The following NPR3 variants were observed in gnomAD, a reference collection of about 807,000 sequenced individuals.
The protein encoded by NPR3 is atrial natriuretic peptide receptor 3.
In NPR3, 34 loss-of-function variants were observed where a neutral mutation model predicts 54.5. That is an observed-to-expected ratio of 0.62 (90% CI 0.47 to 0.83). The LOEUF is 0.83. Ranked by LOEUF, NPR3 falls within the 40% of genes least tolerant of loss-of-function variation. The probability of loss-of-function intolerance (pLI) is 0.00; values close to 1 mark genes in which losing one functional copy is unlikely to be tolerated. For synonymous variants in NPR3, 289 were observed against 297.1 expected (o/e 0.97, Z 0.28); for missense variants, 674 against 720.8 (o/e 0.94, Z 0.74).
At chr5:32,776,119 G>A (rs1041609916) in intron 4 of NPR3, among the ~76,000 whole-genome samples, 26 of 152,090 alleles carry the variant, frequency 1.7e-4, no homozygotes, top group Admixed American at 1.6e-3. Flanking sequence ...CAGCACATAT[G>A]CATTTGTATA....
intron 1 of NPR3, among the ~76,000 whole-genome samples, chr5:32,691,272 T>C (rs908217090): frequency 5.9e-5 from 9 of 152,262 alleles, no homozygotes; most frequent in African/African-American, 2.2e-4. Flanking sequence ...ACTTGTTTAC[T>C]TGTTTTTGGA....
chr5:32,750,848 A>C (rs916972317), intron 3 of NPR3, among the ~76,000 whole-genome samples: 6 of 152,198 alleles, frequency 3.9e-5, no homozygotes, highest in Admixed American at 2.6e-4. Flanking sequence ...GTTCTTTAAA[A>C]GCAACTACAG....
intron 2 of NPR3, among the ~76,000 whole-genome samples, chr5:32,729,035 G>GTT (rs57033344): frequency 1.1e-4 from 9 of 79,602 alleles, no homozygotes; most frequent in South Asian, 4.1e-4. Context: ...TTTTTGTTTT[G>GTT]TTTTTTTTTT....
At chr5:32,701,407 C>T (rs1737795032) in intron 1 of NPR3, among the ~76,000 whole-genome samples, 1 of 152,158 alleles carries the variant, frequency 6.6e-6, no homozygotes, top group Non-Finnish European at 1.5e-5. Context: ...CTGTGAATTC[C>T]TTCCCTGTGT....
Position 32,738,998 on chromosome 5 carries a change from G to A in NPR3, c.1027G>A (p.Val343Ile), listed in dbSNP as rs1739900655. ...GTTTTCCATGGAGGTGAAAAGTTCA[G>A]TTGAGAAACAAGGGCTCAATATGGA... ...EKFSMEVKSS[V>I]EKQGLNMEDY... is the part of the protein sequence containing the mutation. The change falls in exon 3 of 8, where the codon GTT becomes ATT. Residue 343 changes from valine to isoleucine, a missense_variant. Coordinates refer to ENST00000265074, the MANE Select transcript of NPR3 (RefSeq NM_001204375.2). 2 of 1,613,866 alleles carry A rather than the reference G, an allele frequency of 1.2e-6. No homozygotes were observed. The highest frequency in any genetic ancestry group is 1.7e-6 in the Non-Finnish European group (2 of 1,179,882).
Position 32,712,330 on chromosome 5 carries a change from G to C in NPR3, c.554G>C (p.Gly185Ala). ...TRVAPAYAKMGEMMLALFRHH... is the reference protein window; with the variant it reads ...TRVAPAYAKMAEMMLALFRHH... The stretch of plus-strand genomic sequence containing the variant: ...GTGGCGCCCGCCTACGCCAAGATGG[G>C]CGAGATGATGCTCGCCCTGTTCCGC... Residue 185 changes from glycine to alanine, a missense_variant, in exon 1 of 8, where the codon GGC becomes GCC. Coordinates refer to ENST00000265074, the MANE Select transcript of NPR3 (RefSeq NM_001204375.2). The C allele has an allele frequency of 6.2e-7, 1 of 1,613,458 alleles. No homozygotes were observed. The highest frequency in any genetic ancestry group is 8.5e-7 in the Non-Finnish European group (1 of 1,179,686).
chr5:32,728,463 C>CATA (rs1224822757), intron 2 of NPR3, among the ~76,000 whole-genome samples: 1 of 15,822 alleles, frequency 6.3e-5, no homozygotes, highest in African/African-American at 2.3e-4. Flanking sequence ...AACTCTATCT[C>CATA]AGAAAAAAAA....
chr5:32,774,872 A>T, intron 4 of NPR3, 29 bp downstream of exon 4: 1 of 1,552,986 alleles, frequency 6.4e-7, no homozygotes, highest in South Asian at 1.1e-5. Flanking sequence ...AGGCAATTAC[A>T]TGGGGCCAAA....
intron 1 of NPR3, among the ~76,000 whole-genome samples, chr5:32,691,421 A>G (rs1056511020): frequency 2.0e-5 from 3 of 152,234 alleles, no homozygotes; most frequent in Non-Finnish European, 4.4e-5. Flanking sequence ...GGACCAGAAG[A>G]GGTGGGTGAC....
intron 3 of NPR3, among the ~76,000 whole-genome samples, chr5:32,739,645 G>T (rs766843664): frequency 1.3e-5 from 2 of 152,104 alleles, no homozygotes; most frequent in Non-Finnish European, 2.9e-5. Flanking sequence ...TCAGACTGAG[G>T]ATTAAACAGA....
chr5:32,758,438 C>T (rs761598717), intron 3 of NPR3, among the ~76,000 whole-genome samples: 34 of 152,202 alleles, frequency 2.2e-4, no homozygotes, highest in Middle Eastern at 3.4e-3. Flanking sequence ...TCTGTGTGAT[C>T]GGTGGTGATA....
At chr5:32,720,417 T>C (rs1442361226) in intron 1 of NPR3, among the ~76,000 whole-genome samples, 1 of 152,194 alleles carries the variant, frequency 6.6e-6, no homozygotes, top group Non-Finnish European at 1.5e-5. Context: ...CCTGGAATGT[T>C]TTTGATTCTC....
intron 4 of NPR3, among the ~76,000 whole-genome samples, chr5:32,779,009 C>G (rs1210651078): frequency 1.3e-5 from 2 of 152,166 alleles, no homozygotes; most frequent in African/African-American, 4.8e-5. Context: ...TGTAACCAGT[C>G]TATTTTAAGA....
chr5:32,775,018 G>A (rs1165145253), intron 4 of NPR3, among the ~76,000 whole-genome samples, 175 bp downstream of exon 4: 1 of 152,182 alleles, frequency 6.6e-6, no homozygotes, highest in Non-Finnish European at 1.5e-5. Flanking sequence ...ACACGTGAAA[G>A]TGCTTTGAAC....
chr5:32,762,574 G>C (rs1331843865), intron 3 of NPR3, among the ~76,000 whole-genome samples: 1 of 151,804 alleles, frequency 6.6e-6, no homozygotes, highest in Non-Finnish European at 1.5e-5. Flanking sequence ...ATGTTTGTCA[G>C]CCACATAAAT....
At chr5:32,709,261 C>T (rs1738088713), upstream of NPR3, 1 of 152,112 alleles carries the variant, frequency 6.6e-6, no homozygotes, top group African/African-American at 2.4e-5. Flanking sequence ...TGGTTCCTAC[C>T]ACTGTGGCCA....
intron 3 of NPR3, among the ~76,000 whole-genome samples, chr5:32,758,348 G>A (rs7710766): frequency 0.13 from 19,155 of 151,976 alleles, 1,483 homozygotes; most frequent in African/African-American, 0.21. Context: ...TATGTGTCCA[G>A]GAATTTATCC....
At chr5:32,757,168 G>A (rs2112000599) in intron 3 of NPR3, among the ~76,000 whole-genome samples, 1 of 152,282 alleles carries the variant, frequency 6.6e-6, no homozygotes, top group Non-Finnish European at 1.5e-5. Flanking sequence ...GATGGGGAAG[G>A]CATTGAATCT....
At chr5:32,693,220 C>T (rs984011407) in intron 1 of NPR3, among the ~76,000 whole-genome samples, 1 of 152,106 alleles carries the variant, frequency 6.6e-6, no homozygotes, top group Non-Finnish European at 1.5e-5. Flanking sequence ...TTTAGAAATA[C>T]ATACAAATAA....
Sources: allele counts gnomAD v4.1 joint callset (sites outside exome capture counted in the v4.1 genomes callset), GRCh38; gene constraint gnomAD v4.1.1; transcripts MANE v1.5; gene names NCBI Gene and HGNC (gene_info 2026-07-23, HGNC 2026-07-21).